RAD21: variants seen among roughly 807,000 people sequenced by gnomAD.
RAD21 encodes RAD21 cohesin complex component.
RAD21 carries 18 observed loss-of-function variants against 71.5 expected under a neutral mutation model. The observed-to-expected ratio is 0.25, with a 90% CI of 0.17 to 0.37. The LOEUF is 0.37. Among genes scored for constraint, RAD21 ranks in the 10% least tolerant of loss-of-function variants. The pLI is 1.00. For missense variants in RAD21, 493 were observed against 769.1 expected (o/e 0.64, Z 4.25); for synonymous variants, 248 against 254.0 (o/e 0.98, Z 0.22).
chr8:116,862,944 G>A (rs1022812204), intron 3 of RAD21, among the ~76,000 whole-genome samples, 186 bp downstream of exon 3: 12 of 152,210 alleles, frequency 7.9e-5, no homozygotes, highest in Admixed American at 3.3e-4. Flanking sequence ...GAGAACAGAC[G>A]CAAGTAGGTT....
intron 6 of RAD21, 105 bp downstream of exon 6, chr8:116,857,162 A>G (rs1812488123): frequency 1.2e-5 from 11 of 932,110 alleles, no homozygotes; most frequent in South Asian, 3.2e-5. Context: ...TCACTCATAT[A>G]TATCTAAAAG....
chr8:116,855,726 A>C (rs1304050695), intron 8 of RAD21, among the ~76,000 whole-genome samples: 1 of 152,024 alleles, frequency 6.6e-6, no homozygotes, highest in Non-Finnish European at 1.5e-5. Flanking sequence ...TTTAAAAAGA[A>C]TACTTTTAGT....
chr8:116,869,727 A>G (rs754326155), intron 1 of RAD21, among the ~76,000 whole-genome samples: 9 of 152,244 alleles, frequency 5.9e-5, no homozygotes, highest in Non-Finnish European at 7.3e-5. Context: ...CACACACTTA[A>G]TATAAGAGCT....
intron 2 of RAD21, among the ~76,000 whole-genome samples, chr8:116,865,227 A>G (rs1042020528): frequency 6.6e-6 from 1 of 152,082 alleles, no homozygotes; most frequent in Non-Finnish European, 1.5e-5. Context: ...CTGTTCGTGT[A>G]TATGTTCAAT....
chr8:116,856,039 CA>C, intron 8 of RAD21, 126 bp downstream of exon 8: 6 of 1,167,150 alleles, frequency 5.1e-6, no homozygotes, highest in South Asian at 1.7e-5. Flanking sequence ...GTAGACAGGC[CA>C]AAAAAACAGA....
intron 1 of RAD21, among the ~76,000 whole-genome samples, chr8:116,870,145 T>TA (rs572656857): frequency 1.3e-3 from 205 of 152,282 alleles, no homozygotes; most frequent in African/African-American, 4.7e-3. Flanking sequence ...TAATTCATAC[T>TA]AAAAAAACTT....
intron 1 of RAD21, among the ~76,000 whole-genome samples, chr8:116,870,205 A>C (rs759743653): frequency 2.4e-4 from 37 of 151,948 alleles, no homozygotes; most frequent in Admixed American, 6.5e-5. Context: ...AATGTTGTAA[A>C]CTCTTCCTCC....
intron 1 of RAD21, among the ~76,000 whole-genome samples, chr8:116,869,006 A>G (rs919066631): frequency 5.3e-5 from 8 of 152,122 alleles, no homozygotes; most frequent in African/African-American, 1.4e-4. Flanking sequence ...TAAAAATTCA[A>G]AATAGACAAA....
At chr8:116,869,494 A>G (rs1419767430) in intron 1 of RAD21, among the ~76,000 whole-genome samples, 1 of 152,158 alleles carries the variant, frequency 6.6e-6, no homozygotes, top group African/African-American at 2.4e-5. Flanking sequence ...CTGAGGCAGG[A>G]GGATTGCTTG....
Position 116,850,672 on chromosome 8 carries a change from CAGA to C in RAD21, c.1563_1565del (p.Leu522del). On this transcript the variant is annotated inframe_deletion, in exon 12 of 14. Transcript: ENST00000297338. The stretch of plus-strand genomic sequence containing the variant: ...TCTCTTTCTCCTTCTCTTTTTCTGG[CAGA>C]AGTTCTAACTCTGGTATTAGCTGAC... 1 of 1,612,492 alleles carries C rather than the reference CAGA, an allele frequency of 6.2e-7. No homozygotes were observed. The highest frequency in any genetic ancestry group is 8.5e-7 in the Non-Finnish European group (1 of 1,178,706).
At chr8:116,867,673 G>A (rs975960249) in intron 1 of RAD21, among the ~76,000 whole-genome samples, 1 of 151,990 alleles carries the variant, frequency 6.6e-6, no homozygotes, top group Non-Finnish European at 1.5e-5. Flanking sequence ...AAATGTCCAC[G>A]ACTAGAAAAT....
chr8:116,874,427 G>A (rs1441979030), intron 1 of RAD21, 184 bp downstream of exon 1: 2 of 193,186 alleles, frequency 1.0e-5, no homozygotes, highest in Non-Finnish European at 2.1e-5. Flanking sequence ...CGGGGCGAAG[G>A]GGGCTGGGCG....
chr8:116,873,922 G>T (rs1452162704), intron 1 of RAD21, among the ~76,000 whole-genome samples: 1 of 152,202 alleles, frequency 6.6e-6, no homozygotes, highest in African/African-American at 2.4e-5. Flanking sequence ...AACCAATTAT[G>T]CAAATATCCT....
In RAD21 at chr8:116,848,938, G is replaced by T. The variant is rs369280802; in HGVS notation, c.1704+8C>A. The stretch of plus-strand genomic sequence containing the variant: ...AAGCATTTTCCTCTGAGACAACAGC[G>T]GCAATACCTGAAGACCATGAAGCAT... On this transcript the variant is annotated splice_region_variant and intron_variant, in intron 13 of 13. Transcript: ENST00000297338. 7.4e-5 allele frequency: 119 copies of T among 1,598,418 alleles called. No individual in the cohort carries two copies. The highest frequency in any genetic ancestry group is 1.0e-4 in the Non-Finnish European group (117 of 1,171,894).
intron 2 of RAD21, among the ~76,000 whole-genome samples, chr8:116,866,343 G>A (rs1348050423): frequency 6.6e-6 from 1 of 150,474 alleles, no homozygotes; most frequent in Non-Finnish European, 1.5e-5. Flanking sequence ...CCTGACTGAT[G>A]CTTATTTGCC....
chr8:116,863,137 A>G lies in RAD21; in HGVS notation c.267T>C (p.Phe89=), dbSNP rs1272899712. ...AAACAAGTTTAACAATACCTGGCCG[A>G]AAAGCCATCTTTATCTTAATGAATG... The part of the protein sequence containing the change: ...NEAFIKIKMA[F]RPGVVDLPEE... Residue 89 remains phenylalanine (F), a synonymous_variant, in exon 3 of 14, where the codon TTT becomes TTC. Coordinates refer to ENST00000297338, the MANE Select transcript of RAD21 (RefSeq NM_006265.3). 10 of 1,602,834 alleles carry G rather than the reference A, an allele frequency of 6.2e-6. No homozygotes were observed. The highest frequency in any genetic ancestry group is 1.1e-5 in the South Asian group (1 of 89,664).
intron 9 of RAD21, among the ~76,000 whole-genome samples, chr8:116,853,792 T>C (rs926094228): frequency 6.6e-6 from 1 of 152,152 alleles, no homozygotes; most frequent in Admixed American, 6.5e-5. Flanking sequence ...TTTGGAATAC[T>C]GTGGAATGTG....
At chr8:116,860,011 G>A (rs1342038936) in intron 4 of RAD21, among the ~76,000 whole-genome samples, 1 of 152,146 alleles carries the variant, frequency 6.6e-6, no homozygotes, top group Non-Finnish European at 1.5e-5. Flanking sequence ...TAGACAGAAA[G>A]TTTGGAAGAA....
chr8:116,861,917 T>G lies in RAD21; in HGVS notation c.298A>C (p.Asn100His). The change falls in exon 4 of 14, where the codon AAT becomes CAT. Residue 100 changes from asparagine to histidine, a missense_variant. Asn to His is a moderately conservative substitution (Grantham distance 68, BLOSUM62 1). Around this residue, in one of 5 missense-constraint regions of RAD21, gnomAD observed 27 missense variants for 144.1 expected, o/e 0.19. Coordinates refer to ENST00000297338, the MANE Select transcript of RAD21 (RefSeq NM_006265.3). ...ATGGCATTATAAGCTGCTTCCCGATTTTCCTCAGGCAGGTCAACCACACCT... is the reference window on the plus strand; with the variant it reads ...ATGGCATTATAAGCTGCTTCCCGATGTTCCTCAGGCAGGTCAACCACACCT... ...RPGVVDLPEE[N>H]REAAYNAITL... 1.2e-6 allele frequency: 2 copies of G among 1,611,566 alleles called. No individual in the cohort carries two copies. Among genetic ancestry groups the G allele is most frequent in the Non-Finnish European group, 1.7e-6 (2 of 1,178,240 alleles).
Sources: gnomAD v4.1 joint callset for allele counts (sites outside exome capture counted in the v4.1 genomes callset) on GRCh38, gnomAD v4.1.1 for gene constraint, gnomAD v4.1.1 regional missense constraint, MANE v1.5 for transcripts, NCBI Gene and HGNC (gene_info 2026-07-23, HGNC 2026-07-21) for gene names.